Variants in C12orf56 observed in about 807,000 individuals in gnomAD.
C12orf56 encodes chromosome 12 open reading frame 56.
Under a neutral mutation model 69.9 loss-of-function variants are expected in C12orf56, and 71 were observed. The observed-to-expected ratio is 1.02, with a 90% CI of 0.84 to 1.24. The LOEUF (loss-of-function observed/expected upper bound fraction) is 1.24, where lower values mean the gene tolerates loss of function less well. Among genes scored for constraint, C12orf56 ranks in the 50% most tolerant of loss-of-function variants. The pLI is 0.00. For synonymous variants in C12orf56, 276 were observed against 274.1 expected (o/e 1.01, Z -0.07); for missense variants, 732 against 738.5 (o/e 0.99, Z 0.10).
rs544049224 is a variant in C12orf56, at chr12:64,388,700, A to T, written c.252+1614T>A. Among the ~76,000 whole-genome samples the T allele has an allele frequency of 7.9e-5, 12 of 152,252 alleles. No individual in the cohort carries two copies. The East Asian group carries it at 1.2e-3, about 15-fold the overall frequency. ...CAAGATCCTGTCTCTACAAAAAAAA[A>T]TTTTTAATTAGCCAGCTGTGATGGC... On this transcript the variant is annotated intron_variant, in intron 1 of 12. Coordinates refer to ENST00000543942, the MANE Select transcript of C12orf56 (RefSeq NM_001170633.2).
chr12:64,308,943 G>GAAAGAAA (rs1565748981), intron 5 of C12orf56, among the ~76,000 whole-genome samples: 689 of 33,438 alleles, frequency 0.021, 22 homozygotes, highest in African/African-American at 0.053. Flanking sequence ...AAAGAAAGAA[G>GAAAGAAA]AAAGAAAGAA....
intron 8 of C12orf56, among the ~76,000 whole-genome samples, chr12:64,283,427 C>G (rs181267064): frequency 5.7e-4 from 86 of 151,966 alleles, no homozygotes; most frequent in Non-Finnish European, 1.1e-3. Flanking sequence ...ATGCTACTGT[C>G]CCCCCCTATA....
intron 6 of C12orf56, 133 bp downstream of exon 6, chr12:64,303,502 A>G (rs2038473704): frequency 2.6e-6 from 2 of 767,576 alleles, no homozygotes; most frequent in Non-Finnish European, 2.0e-6. Flanking sequence ...ACATGACTAC[A>G]TTAAATTTTA....
intron 2 of C12orf56, among the ~76,000 whole-genome samples, chr12:64,337,428 A>AG (rs2039010823): frequency 6.6e-6 from 1 of 152,184 alleles, no homozygotes; most frequent in South Asian, 2.1e-4. Context: ...GCTATAAATC[A>AG]GGAGCTCCCC....
intron 1 of C12orf56, among the ~76,000 whole-genome samples, chr12:64,364,113 G>T (rs1050791862): frequency 6.6e-6 from 1 of 151,878 alleles, no homozygotes; most frequent in South Asian, 2.1e-4. Flanking sequence ...AGGAGTTCCA[G>T]ACTGGCCTGG....
intron 1 of C12orf56, among the ~76,000 whole-genome samples, chr12:64,379,974 G>C (rs971635069): frequency 5.4e-5 from 8 of 149,392 alleles, no homozygotes; most frequent in Admixed American, 3.3e-4. Flanking sequence ...GATGGCGGAC[G>C]GACGCCTGTA....
chr12:64,298,685 G>C (rs2038402767), intron 6 of C12orf56, among the ~76,000 whole-genome samples: 1 of 152,074 alleles, frequency 6.6e-6, no homozygotes, highest in South Asian at 2.1e-4. Flanking sequence ...AAGATCAGAT[G>C]GTTGTAGATG....
intron 11 of C12orf56, among the ~76,000 whole-genome samples, chr12:64,273,249 C>T (rs555123270): frequency 1.7e-4 from 26 of 149,394 alleles, no homozygotes; most frequent in Non-Finnish European, 3.4e-4. Flanking sequence ...GAGCTGAGAT[C>T]GCAGAACTAC....
chr12:64,284,954 T>C lies in C12orf56; in HGVS notation c.1221-201A>G, dbSNP rs80085448. On this transcript the variant is annotated intron_variant, in intron 7 of 12. Transcript: ENST00000543942. Reference sequence around the variant, plus strand: ...CTACACAGTAAACACTCAAAAACATTTGCTGGTCGGGCGGGGTAGCTAACA... The same window carrying C: ...CTACACAGTAAACACTCAAAAACATCTGCTGGTCGGGCGGGGTAGCTAACA... Among the ~76,000 whole-genome samples, 259 of 152,294 alleles carry C rather than the reference T, an allele frequency of 1.7e-3. 4 individuals carry two copies. The East Asian group carries it at 0.038, about 22-fold the overall frequency.
At chr12:64,273,297 C>CA (rs201066197) in intron 11 of C12orf56, among the ~76,000 whole-genome samples, 6,493 of 138,386 alleles carry the variant, frequency 0.047, 544 homozygotes, top group African/African-American at 0.17. Flanking sequence ...GACTCTGTCT[C>CA]AAAAAAAAAA....
chr12:64,285,715 G>A (rs1006687244), intron 7 of C12orf56, among the ~76,000 whole-genome samples: 4 of 152,104 alleles, frequency 2.6e-5, no homozygotes, highest in African/African-American at 7.2e-5. Context: ...TTGAACCCAC[G>A]AGGCAGAAAT....
Position 64,352,823 on chromosome 12 carries a change from T to C in C12orf56, c.415+71A>G. On this transcript the variant is annotated intron_variant, in intron 2 of 12. Coordinates refer to ENST00000543942, the MANE Select transcript of C12orf56 (RefSeq NM_001170633.2). ...GAACTAAGAAGCAAAATATCCTGCA[T>C]CAATTTTAAGAAATATATATATATA... The C allele has an allele frequency of 2.3e-6, 3 of 1,327,586 alleles. No homozygotes were observed. The South Asian group carries it at 5.7e-5, about 25-fold the overall frequency. 82.2% of individuals were successfully genotyped at this position (1,327,586 alleles called of 1,614,324 possible).
chr12:64,275,833 T>G (rs1335678930), intron 9 of C12orf56, among the ~76,000 whole-genome samples: 1 of 152,090 alleles, frequency 6.6e-6, no homozygotes, highest in Non-Finnish European at 1.5e-5. Context: ...TATGGAACTC[T>G]TGGCCTCAAG....
chr12:64,355,077 C>CAAAAAAAAAAAAAAAAA (rs59799966), intron 1 of C12orf56, among the ~76,000 whole-genome samples: 1 of 87,672 alleles, frequency 1.1e-5, no homozygotes, highest in African/African-American at 4.7e-5. Flanking sequence ...GACTCCGTCT[C>CAAAAAAAAAAAAAAAAA]AAAAAAAAAA....
At chr12:64,271,330 T>G (rs2037988096) in intron 11 of C12orf56, among the ~76,000 whole-genome samples, 1 of 151,934 alleles carries the variant, frequency 6.6e-6, no homozygotes, top group African/African-American at 2.4e-5. Flanking sequence ...CCAGGCATGG[T>G]GTCACATGTC....
At chr12:64,313,144 C>T (rs2038642131) in intron 4 of C12orf56, among the ~76,000 whole-genome samples, 1 of 151,158 alleles carries the variant, frequency 6.6e-6, no homozygotes, top group Non-Finnish European at 1.5e-5. Flanking sequence ...TGCCTGTAGT[C>T]CCAGCTACTC....
intron 6 of C12orf56, among the ~76,000 whole-genome samples, chr12:64,287,360 T>A (rs541732374): frequency 1.1e-4 from 16 of 150,968 alleles, no homozygotes; most frequent in South Asian, 4.2e-4. Context: ...TTGTTTTTTT[T>A]ATTATACTTT....
intron 2 of C12orf56, among the ~76,000 whole-genome samples, chr12:64,349,978 G>A (rs1220317791): frequency 6.6e-6 from 1 of 151,920 alleles, no homozygotes; most frequent in Non-Finnish European, 1.5e-5. Context: ...TGTAATCTCA[G>A]CTACTCAGGA....
Position 64,318,807 on chromosome 12 carries a change from G to T in C12orf56, c.662C>A (p.Thr221Lys). Reference protein sequence around the residue: ...TGKAVSEPSCTTNTKEPQGLP... With the variant: ...TGKAVSEPSCKTNTKEPQGLP... The stretch of plus-strand genomic sequence containing the variant: ...TCCCTGGGGTTCTTTTGTGTTTGTT[G>T]TGCAAGATGGCTCGCTGACAGCCTT... Residue 221 changes from threonine (T) to lysine (K), a missense_variant, in exon 4 of 13, where the codon ACA becomes AAA. Transcript: ENST00000543942. The T allele has an allele frequency of 6.5e-7, 1 of 1,537,208 alleles. No homozygotes were observed. The highest frequency in any genetic ancestry group is 8.7e-7 in the Non-Finnish European group (1 of 1,146,902).
Sources: allele counts gnomAD v4.1 joint callset (sites outside exome capture counted in the v4.1 genomes callset), GRCh38; gene constraint gnomAD v4.1.1; transcripts MANE v1.5; gene names NCBI Gene and HGNC (gene_info 2026-07-23, HGNC 2026-07-21).